The following RPS6KA2 variants were observed in gnomAD, a reference collection of about 807,000 sequenced individuals.
RPS6KA2 encodes the protein ribosomal protein S6 kinase alpha-2.
A neutral mutation model predicts 91.8 loss-of-function variants in RPS6KA2; 42 were observed. The observed-to-expected ratio is 0.46, with a 90% CI of 0.36 to 0.59. The LOEUF is 0.59. RPS6KA2 is among the 20% of genes least tolerant of loss of function. RPS6KA2 has a pLI of 0.00. For missense variants in RPS6KA2, 798 were observed against 978.5 expected, an observed-to-expected ratio of 0.82 and a Z score of 2.46; for synonymous variants, 414 against 393.6, an observed-to-expected ratio of 1.05 and a Z score of -0.61.
intron 8 of RPS6KA2, among the ~76,000 whole-genome samples, chr6:166,496,676 G>A (rs952511893): frequency 5.3e-5 from 8 of 152,192 alleles, no homozygotes; most frequent in Admixed American, 2.6e-4. Flanking sequence ...AGGCTGGCCC[G>A]CAGTACTGCT....
At chr6:166,858,316 C>T (rs1223660122) in intron 1 of RPS6KA2, 1 of 959,948 alleles carries the variant, frequency 1.0e-6, no homozygotes, top group Non-Finnish European at 1.6e-6. Context: ...TTGTAGGTGG[C>T]CTCATACAGG....
intron 2 of RPS6KA2, among the ~76,000 whole-genome samples, chr6:166,536,386 A>G (rs534430106): frequency 1.3e-5 from 2 of 152,312 alleles, no homozygotes; most frequent in South Asian, 4.1e-4. Flanking sequence ...TTGCATGTAG[A>G]GAGGAGGAAT....
At chr6:166,807,009 T>C (rs1779508636) in intron 2 of RPS6KA2, among the ~76,000 whole-genome samples, 1 of 152,120 alleles carries the variant, frequency 6.6e-6, no homozygotes, top group Non-Finnish European at 1.5e-5. Flanking sequence ...AATTGCTAAA[T>C]AATATACACA....
At chr6:166,492,302 A>G (rs1187051452) in intron 8 of RPS6KA2, among the ~76,000 whole-genome samples, 1 of 152,140 alleles carries the variant, frequency 6.6e-6, no homozygotes, top group Non-Finnish European at 1.5e-5. Context: ...CAAAAGTAAT[A>G]AAAAGCAAGC....
intron 1 of RPS6KA2, among the ~76,000 whole-genome samples, chr6:166,593,228 T>C (rs1162144333): frequency 1.3e-5 from 2 of 152,056 alleles, no homozygotes; most frequent in Non-Finnish European, 2.9e-5. Context: ...AAATTCTTTA[T>C]AGGTAATACC....
At chr6:166,611,677 G>C (rs1258804335) in intron 1 of RPS6KA2, among the ~76,000 whole-genome samples, 1 of 152,130 alleles carries the variant, frequency 6.6e-6, no homozygotes, top group Non-Finnish European at 1.5e-5. Context: ...GGCTGATCAG[G>C]GCTCCAATCT....
At chr6:166,717,092 G>T (rs892519430) in intron 2 of RPS6KA2, among the ~76,000 whole-genome samples, 3 of 152,194 alleles carry the variant, frequency 2.0e-5, no homozygotes, top group African/African-American at 7.2e-5. Flanking sequence ...CAGGCTGCGA[G>T]TGGAGGCCAC....
chr6:166,746,572 A>G (rs1384981802), intron 2 of RPS6KA2, among the ~76,000 whole-genome samples: 3 of 152,242 alleles, frequency 2.0e-5, no homozygotes, highest in Admixed American at 1.3e-4. Context: ...ACCTGGAGAT[A>G]GCCTCAGATT....
At chr6:166,529,069 G>A (rs561884849) in intron 3 of RPS6KA2, among the ~76,000 whole-genome samples, 1 of 152,166 alleles carries the variant, frequency 6.6e-6, no homozygotes, top group East Asian at 1.9e-4. Context: ...TCCCATTACT[G>A]GGTATATACC....
At chr6:166,667,252 G>A (rs1386357457) in intron 2 of RPS6KA2, among the ~76,000 whole-genome samples, 6 of 152,170 alleles carry the variant, frequency 3.9e-5, no homozygotes, top group Admixed American at 2.6e-4. Flanking sequence ...TAAATTTAAC[G>A]TCACATGTTT....
intron 1 of RPS6KA2, among the ~76,000 whole-genome samples, chr6:166,600,441 A>T (rs1583315770): frequency 6.6e-6 from 1 of 152,376 alleles, no homozygotes; most frequent in East Asian, 1.9e-4. Context: ...TTGCTCAGTG[A>T]AGATAAATGA....
chr6:166,551,623 C>A (rs1784025214), intron 1 of RPS6KA2, among the ~76,000 whole-genome samples: 1 of 152,172 alleles, frequency 6.6e-6, no homozygotes, highest in African/African-American at 2.4e-5. Flanking sequence ...ATTAAATAGC[C>A]ATCCTTCTTT....
intron 1 of RPS6KA2, among the ~76,000 whole-genome samples, chr6:166,583,420 C>A (rs556132692): frequency 4.6e-5 from 7 of 152,178 alleles, no homozygotes; most frequent in Non-Finnish European, 8.8e-5. Context: ...TGTTGAGCAA[C>A]TTCAAAGCAC....
chr6:166,514,909 A>G (rs564851862), intron 3 of RPS6KA2, among the ~76,000 whole-genome samples: 1 of 152,258 alleles, frequency 6.6e-6, no homozygotes, highest in South Asian at 2.1e-4. Context: ...GGGCAGGGAG[A>G]GAAGAGGCCA....
At chr6:166,752,369 C>T (rs762247935) in intron 2 of RPS6KA2, among the ~76,000 whole-genome samples, 10 of 152,028 alleles carry the variant, frequency 6.6e-5, no homozygotes, top group African/African-American at 2.4e-4. Flanking sequence ...CATTCAACAG[C>T]GAGCGGACAC....
rs1787698273 is a variant in RPS6KA2 at position 166,647,999 on chromosome 6, C to CACACACGCACATGCTG, written c.124-109216_124-109215insCAGCATGTGCGTGTGT. 2.4e-4 allele frequency among the ~76,000 whole-genome samples: 32 copies of CACACACGCACATGCTG among 134,146 alleles called. No individual in the cohort carries two copies. In the Admixed American group the frequency reaches 2.4e-3, roughly 10 times the overall value. The allele number at this position is 134,146 out of a possible 152,430, so 88.0% of individuals were successfully genotyped here. A position where few individuals can be genotyped will look rare whatever the true frequency, so the allele number is the denominator to read the frequency against. The stretch of plus-strand genomic sequence containing the variant: ...ACATGCTCACACACACGCACATGCT[C>CACACACGCACATGCTG]ACACACGCACATGCTTACACACATA... On this transcript the variant is annotated intron_variant, in intron 2 of 21. Coordinates refer to the RPS6KA2 transcript ENST00000503859.
chr6:166,584,785 G>A (rs770424837), intron 1 of RPS6KA2, among the ~76,000 whole-genome samples: 2 of 152,346 alleles, frequency 1.3e-5, no homozygotes, highest in South Asian at 2.1e-4. Context: ...CTCAGAAAGC[G>A]TTCCAATAGA....
chr6:166,526,200 GA>G (rs968094221), intron 3 of RPS6KA2, among the ~76,000 whole-genome samples: 125 of 151,130 alleles, frequency 8.3e-4, no homozygotes, highest in Middle Eastern at 3.4e-3. Context: ...AAATTTTTGG[GA>G]AAAAAAAATC....
At position 166,684,364 on chromosome 6, in the gene RPS6KA2, G is replaced by A. The variant is rs112637105; in HGVS notation, c.124-145580C>T. Among the ~76,000 whole-genome samples the A allele has an allele frequency of 4.6e-3, 693 of 152,286 alleles. 6 individuals carry two copies. Among genetic ancestry groups the A allele is most frequent in the African/African-American group, 0.016 (657 of 41,554 alleles). Reference sequence around the variant, plus strand: ...CCTTAATCTACATGTAATTTAAAGTGCGTATAAATATGACTGCAGGCCTGC... The same window carrying A: ...CCTTAATCTACATGTAATTTAAAGTACGTATAAATATGACTGCAGGCCTGC... On this transcript the variant is annotated intron_variant, in intron 2 of 21. Coordinates refer to the RPS6KA2 transcript ENST00000503859.
Sources: allele counts gnomAD v4.1 joint callset (sites outside exome capture counted in the v4.1 genomes callset), GRCh38; gene constraint gnomAD v4.1.1; transcripts MANE v1.5; gene names NCBI Gene and HGNC (gene_info 2026-07-23, HGNC 2026-07-21).